SLCO3A1: variants seen among roughly 807,000 people sequenced by gnomAD.
The protein encoded by SLCO3A1 is solute carrier organic anion transporter family member 3A1.
Under a neutral mutation model 63.1 loss-of-function variants are expected in SLCO3A1, and 27 were observed. The ratio of observed to expected loss-of-function variants is 0.43; its 90% confidence interval spans 0.32 to 0.59. The LOEUF (loss-of-function observed/expected upper bound fraction) is 0.59, where lower values mean the gene tolerates loss of function less well. Among genes scored for constraint, SLCO3A1 ranks in the 20% least tolerant of loss-of-function variants. The pLI is 0.09. For missense variants in SLCO3A1, 773 were observed against 945.8 expected, an observed-to-expected ratio of 0.82 and a Z score of 2.40; for synonymous variants, 473 against 409.9, an observed-to-expected ratio of 1.15 and a Z score of -1.86.
chr15:92,083,642 G>C (rs887506238), intron 2 of SLCO3A1, among the ~76,000 whole-genome samples: 4 of 152,036 alleles, frequency 2.6e-5, no homozygotes, highest in African/African-American at 9.7e-5. Context: ...AACTGTGTTG[G>C]GATTTATTAA....
At chr15:92,168,349 C>G (rs1486051864), downstream of SLCO3A1, among the ~76,000 whole-genome samples, 1 of 152,202 alleles carries the variant, frequency 6.6e-6, no homozygotes, top group Non-Finnish European at 1.5e-5. Flanking sequence ...AAAACATTCA[C>G]AAGTTTTTTC....
chr15:92,119,620 C>T (rs987936500), intron 4 of SLCO3A1, among the ~76,000 whole-genome samples: 3 of 151,810 alleles, frequency 2.0e-5, no homozygotes, highest in African/African-American at 4.8e-5. Flanking sequence ...TGGGTGCAGG[C>T]GAGAAACAGC....
chr15:91,959,770 C>T (rs913183014), intron 2 of SLCO3A1, among the ~76,000 whole-genome samples: 4 of 150,268 alleles, frequency 2.7e-5, no homozygotes, highest in African/African-American at 4.9e-5. Flanking sequence ...ATACACAGTT[C>T]AGTTGTTTAG....
At chr15:91,956,841 G>T (rs896912029) in intron 2 of SLCO3A1, among the ~76,000 whole-genome samples, 1 of 129,690 alleles carries the variant, frequency 7.7e-6, no homozygotes, top group Non-Finnish European at 1.6e-5. Context: ...CCAGGCTGGA[G>T]TGCAGTGATG....
At chr15:91,986,260 G>T (rs150911604) in intron 2 of SLCO3A1, among the ~76,000 whole-genome samples, 1 of 152,316 alleles carries the variant, frequency 6.6e-6, no homozygotes, top group African/African-American at 2.4e-5. Context: ...AGGGGGTAAA[G>T]AGCCTCCCTG....
chr15:91,960,128 C>T (rs1174038602), intron 2 of SLCO3A1, among the ~76,000 whole-genome samples: 1 of 152,080 alleles, frequency 6.6e-6, no homozygotes, highest in East Asian at 1.9e-4. Context: ...GGACTATAGG[C>T]GCGTGCCACC....
chr15:92,168,944 A>G (rs2048507578), downstream of SLCO3A1, among the ~76,000 whole-genome samples: 1 of 152,206 alleles, frequency 6.6e-6, no homozygotes, highest in Non-Finnish European at 1.5e-5. Context: ...CAAACTAGAA[A>G]AAGAAGAGTG....
chr15:92,018,705 C>A (rs888740136), intron 2 of SLCO3A1, among the ~76,000 whole-genome samples: 1 of 152,176 alleles, frequency 6.6e-6, no homozygotes, highest in African/African-American at 2.4e-5. Context: ...CCTGTCTCAC[C>A]TGTGGGCTGC....
intron 2 of SLCO3A1, among the ~76,000 whole-genome samples, chr15:92,039,410 A>T (rs1169544085): frequency 6.6e-6 from 1 of 152,254 alleles, no homozygotes; most frequent in Non-Finnish European, 1.5e-5. Flanking sequence ...TGGGCAAAGG[A>T]TATGAACAGA....
intron 7 of SLCO3A1, among the ~76,000 whole-genome samples, chr15:92,129,131 C>A (rs538246574): frequency 6.6e-6 from 1 of 152,336 alleles, no homozygotes; most frequent in South Asian, 2.1e-4. Flanking sequence ...GTCCTTGGCA[C>A]CTGCCCTGTG....
At chr15:92,086,441 G>T (rs1386664642) in intron 2 of SLCO3A1, among the ~76,000 whole-genome samples, 1 of 151,930 alleles carries the variant, frequency 6.6e-6, no homozygotes, top group Non-Finnish European at 1.5e-5. Context: ...GGTTTCTGTC[G>T]ATTTTTCTCC....
At chr15:92,116,384 T>C (rs1050354855) in intron 4 of SLCO3A1, among the ~76,000 whole-genome samples, 1 of 152,220 alleles carries the variant, frequency 6.6e-6, no homozygotes, top group African/African-American at 2.4e-5. Context: ...TGCCGCTCTT[T>C]CCACCTTTGT....
intron 1 of SLCO3A1, among the ~76,000 whole-genome samples, chr15:91,866,218 T>TA (rs997985882): frequency 2.0e-5 from 3 of 151,662 alleles, no homozygotes; most frequent in Admixed American, 6.6e-5. Flanking sequence ...AGAATGCATG[T>TA]AAAAAAAAAT....
At chr15:92,009,724 T>C (rs79493714) in intron 2 of SLCO3A1, among the ~76,000 whole-genome samples, 1,836 of 152,306 alleles carry the variant, frequency 0.012, 40 homozygotes, top group African/African-American at 0.041. Flanking sequence ...TACCTCCTTC[T>C]AAAAGCTTCC....
intron 2 of SLCO3A1, among the ~76,000 whole-genome samples, chr15:92,020,482 C>A (rs981693999): frequency 2.6e-5 from 4 of 152,238 alleles, no homozygotes; most frequent in African/African-American, 9.6e-5. Flanking sequence ...AAAAATACAT[C>A]CCAGGTTTTT....
intron 2 of SLCO3A1, among the ~76,000 whole-genome samples, chr15:92,058,957 G>A (rs557202842): frequency 5.8e-4 from 89 of 152,322 alleles, no homozygotes; most frequent in Non-Finnish European, 9.8e-4. Flanking sequence ...TGTATTTAGA[G>A]CCTATCCTGA....
chr15:92,158,084 T>G (rs1390368883), intron 9 of SLCO3A1, among the ~76,000 whole-genome samples: 1 of 152,178 alleles, frequency 6.6e-6, no homozygotes, highest in Non-Finnish European at 1.5e-5. Context: ...CTGACAAGCA[T>G]AGTATCTGCT....
Position 91,872,233 on chromosome 15 carries a change from G to A in SLCO3A1, c.180+18145G>A, listed in dbSNP as rs980733860. Among the ~76,000 whole-genome samples, 1 of 152,164 alleles carries A rather than the reference G, an allele frequency of 6.6e-6. No individual in the cohort carries two copies. The highest frequency in any genetic ancestry group is 1.5e-5 in the Non-Finnish European group (1 of 68,026). On this transcript the variant is annotated intron_variant, in intron 1 of 9. Transcript: ENST00000318445. This position sits in a 1 kb window ranked among gnomAD's most constrained non-coding sequence, Gnocchi z 4.1. ...TATAAGGAAATAGGGCTCACTTCTA[G>A]AAGTTAAAGAATGTGCTGGATGGGC... is the stretch of plus-strand genomic sequence containing the variant.
chr15:92,033,585 A>G lies in SLCO3A1; in HGVS notation c.647-61296A>G, dbSNP rs1031922601. On this transcript the variant is annotated intron_variant, in intron 2 of 9. Transcript: ENST00000318445. This position sits in a 1 kb window ranked among gnomAD's most constrained non-coding sequence, Gnocchi z 4.5. ...AGCCCGAGCTTCCACAGCACACCAC[A>G]TGCTAGCTTAAGAGCTGTGCATACA... is the stretch of plus-strand genomic sequence containing the variant. 1.3e-4 allele frequency among the ~76,000 whole-genome samples: 20 copies of G among 152,330 alleles called. No homozygotes were observed. Among genetic ancestry groups the G allele is most frequent in the African/African-American group, 3.6e-4 (15 of 41,580 alleles).
Sources: allele counts gnomAD v4.1 joint callset (sites outside exome capture counted in the v4.1 genomes callset), GRCh38; gene constraint gnomAD v4.1.1; non-coding constraint Gnocchi (gnomAD v3.1); transcripts MANE v1.5; gene names NCBI Gene and HGNC (gene_info 2026-07-23, HGNC 2026-07-21).